TANK: variants seen among roughly 807,000 people sequenced by gnomAD.
TANK encodes TRAF family member-associated NF-kappa-B activator.
In TANK, 15 loss-of-function variants were observed where a neutral mutation model predicts 43.6. The ratio of observed to expected loss-of-function variants is 0.34; its 90% CI spans 0.23 to 0.53. The LOEUF (loss-of-function observed/expected upper bound fraction) is 0.53, where lower values mean the gene tolerates loss of function less well. Ranked by LOEUF, TANK falls within the 20% of genes least tolerant of loss-of-function variation. TANK has a pLI of 0.94. For synonymous variants in TANK, 162 were observed against 178.2 expected (o/e 0.91, Z 0.73); for missense variants, 417 against 498.6 (o/e 0.84, Z 1.56).
At chr2:161,233,421 T>TA (rs1688020036) in intron 7 of TANK, among the ~76,000 whole-genome samples, 1 of 152,034 alleles carries the variant, frequency 6.6e-6, no homozygotes, top group Non-Finnish European at 1.5e-5. Flanking sequence ...AATTTTTTTT[T>TA]TAAAAAAATC....
chr2:161,169,342 T>C (rs1684839899), intron 1 of TANK, among the ~76,000 whole-genome samples: 1 of 152,188 alleles, frequency 6.6e-6, no homozygotes, highest in South Asian at 2.1e-4. Flanking sequence ...GGAAAAAAGT[T>C]TTCAGAAAAG....
intron 1 of TANK, among the ~76,000 whole-genome samples, chr2:161,152,524 CT>C (rs1684107987): frequency 1.3e-5 from 2 of 152,230 alleles, no homozygotes; most frequent in South Asian, 4.1e-4. Flanking sequence ...TTGATGATCC[CT>C]TGCACATAAT....
At chr2:161,171,841 G>C (rs1324182435) in intron 1 of TANK, among the ~76,000 whole-genome samples, 1 of 152,098 alleles carries the variant, frequency 6.6e-6, no homozygotes, top group South Asian at 2.1e-4. Flanking sequence ...ATCTTGTGTA[G>C]CCTGTGACTT....
At chr2:161,152,728 T>C (rs1416374312) in intron 1 of TANK, among the ~76,000 whole-genome samples, 1 of 152,226 alleles carries the variant, frequency 6.6e-6, no homozygotes, top group Admixed American at 6.5e-5. Context: ...CATTTGATTT[T>C]TAATTTAAAT....
intron 2 of TANK, among the ~76,000 whole-genome samples, chr2:161,191,562 T>G (rs1574011978): frequency 6.6e-6 from 1 of 152,210 alleles, no homozygotes; most frequent in Non-Finnish European, 1.5e-5. Flanking sequence ...ATTTTCATTT[T>G]TTGGATGAGG....
At chr2:161,194,767 T>C (rs1686069075) in intron 2 of TANK, among the ~76,000 whole-genome samples, 1 of 152,202 alleles carries the variant, frequency 6.6e-6, no homozygotes, top group South Asian at 2.1e-4. Flanking sequence ...AATACCTTTA[T>C]TGTAGGTACT....
chr2:161,139,868 G>T, intron 1 of TANK: 3 of 985,390 alleles, frequency 3.0e-6, no homozygotes, highest in Non-Finnish European at 3.6e-6. Context: ...AGTGCTAGCT[G>T]CAGACCGCAA....
rs1182536847 is a variant in TANK at position 161,203,522 on chromosome 2, G to A, written c.135G>A (p.Gln45=). Residue 45 remains glutamine, a synonymous_variant, in exon 3 of 8, where the codon CAG becomes CAA. Transcript: ENST00000392749. ...ATGAGCAGAGAATACGTGAACAACA[G>A]GAACAGCTGTCACTTCAACAGACTA... ...ENYEQRIREQ[Q]EQLSLQQTII... is the part of the protein sequence containing the mutation. The A allele has an allele frequency of 1.2e-6, 2 of 1,611,986 alleles. No individual in the cohort carries two copies. Among genetic ancestry groups the A allele is most frequent in the African/African-American group, 2.7e-5 (2 of 74,842 alleles).
rs1212611917 is a variant in TANK, at chr2:161,235,436, G to A, written c.1196G>A (p.Cys399Tyr). The A allele has an allele frequency of 6.2e-7, 1 of 1,614,010 alleles. No homozygotes were observed. The highest frequency in any genetic ancestry group is 1.7e-5 in the Admixed American group (1 of 60,000). Residue 399 changes from cysteine (C) to tyrosine (Y), a missense_variant, in exon 8 of 8, where the codon TGT (cysteine) becomes TAT (tyrosine). Cys to Tyr is a radical substitution (Grantham distance 194, BLOSUM62 -2). Transcript: ENST00000392749. ...CATATACCTCGAGTATGTGAATTCT[G>A]TCAAGCAGTTTTCCCACCATCCATT... ...ELHIPRVCEF[C>Y]QAVFPPSITS...
At chr2:161,137,514 A>G (rs1247838308) in intron 1 of TANK, among the ~76,000 whole-genome samples, 2 of 152,212 alleles carry the variant, frequency 1.3e-5, no homozygotes, top group Admixed American at 6.5e-5. Context: ...GCCTTCTCCA[A>G]TGAATGATTT....
intron 1 of TANK, chr2:161,139,982 C>G: frequency 1.1e-6 from 1 of 924,258 alleles, no homozygotes; most frequent in Non-Finnish European, 1.3e-6. Context: ...TTGAAATTTG[C>G]TAAGAATTTT....
chr2:161,178,418 T>G (rs1418315107), intron 1 of TANK, among the ~76,000 whole-genome samples: 4 of 151,962 alleles, frequency 2.6e-5, no homozygotes, highest in Non-Finnish European at 5.9e-5. Context: ...ATGTATTGTA[T>G]TATTCCATTT....
intron 7 of TANK, 83 bp downstream of exon 7, chr2:161,231,634 G>A (rs979945984): frequency 1.5e-5 from 19 of 1,250,122 alleles, no homozygotes; most frequent in Middle Eastern, 1.9e-4. Flanking sequence ...TCTCTTTTAC[G>A]TTATCAAACA....
intron 1 of TANK, among the ~76,000 whole-genome samples, chr2:161,175,322 T>G (rs911390625): frequency 2.6e-4 from 40 of 152,320 alleles, no homozygotes; most frequent in Admixed American, 2.4e-3. Context: ...TTTTAAAGAT[T>G]TAATCTAGTT....
chr2:161,211,428 G>T (rs1369101294), intron 4 of TANK, among the ~76,000 whole-genome samples: 1 of 152,138 alleles, frequency 6.6e-6, no homozygotes. Context: ...TTGTTAAGTT[G>T]CTGTATGTTG....
chr2:161,166,945 T>C (rs1684709903), intron 1 of TANK, among the ~76,000 whole-genome samples: 1 of 152,252 alleles, frequency 6.6e-6, no homozygotes, highest in African/African-American at 2.4e-5. Context: ...CTGGTGGCTT[T>C]CTTTTCTAGG....
At chr2:161,155,450 G>A (rs1195314693), upstream of TANK, among the ~76,000 whole-genome samples, 2 of 151,880 alleles carry the variant, frequency 1.3e-5, no homozygotes, top group East Asian at 1.9e-4. Flanking sequence ...ACTCCTTCTC[G>A]AATAAGGGAA....
intron 1 of TANK, among the ~76,000 whole-genome samples, chr2:161,178,510 A>C (rs1685271753): frequency 6.6e-6 from 1 of 151,812 alleles, no homozygotes; most frequent in Non-Finnish European, 1.5e-5. Context: ...GGGGAAGAGG[A>C]GGATTGGGAC....
At chr2:161,209,556 A>C (rs951541160) in intron 4 of TANK, among the ~76,000 whole-genome samples, 3 of 152,186 alleles carry the variant, frequency 2.0e-5, no homozygotes, top group Non-Finnish European at 4.4e-5. Flanking sequence ...TGCTTCTGGG[A>C]AATAGTTTGG....
Sources: gnomAD v4.1 joint callset for allele counts (sites outside exome capture counted in the v4.1 genomes callset) on GRCh38, gnomAD v4.1.1 for gene constraint, MANE v1.5 for transcripts, NCBI Gene and HGNC (gene_info 2026-07-23, HGNC 2026-07-21) for gene names.